Variants in RINL observed in about 807,000 individuals in gnomAD.
The protein encoded by RINL is ras and Rab interactor-like protein.
In RINL, 39 loss-of-function variants were observed where a neutral mutation model predicts 58.1. The ratio of observed to expected loss-of-function variants is 0.67; its 90% CI spans 0.52 to 0.88. The LOEUF (loss-of-function observed/expected upper bound fraction) is 0.88, where lower values mean the gene tolerates loss of function less well. Ranked by LOEUF, RINL falls within the 40% of genes least tolerant of loss-of-function variation. The pLI, the probability that RINL is intolerant of heterozygous loss-of-function variation, is 0.00. For synonymous variants in RINL, 286 were observed against 323.1 expected (o/e 0.89, Z 1.23); for missense variants, 711 against 749.2 (o/e 0.95, Z 0.60).
chr19:38,870,838 C>G lies in RINL; in HGVS notation c.756G>C (p.Glu252Asp), dbSNP rs760797174. The change falls in exon 8 of 12, where the codon GAG (glutamate) becomes GAC (aspartate). Residue 252 changes from glutamate to aspartate, a missense_variant. Physicochemically the swap from Glu to Asp is conservative, Grantham distance 45. Transcript: ENST00000591812. This position sits in a 1 kb window ranked among gnomAD's most constrained non-coding sequence, Gnocchi z 5.8. Reference protein sequence around the residue: ...KEEGREDDPEEEGPEDVLTIH... With the variant: ...KEEGREDDPEDEGPEDVLTIH... ...TGGTGAGCACGTCCTCAGGGCCTTC[C>G]TCTTCAGGGTCGTCCTCCCTTCCTT... 2.3e-5 allele frequency: 37 copies of G among 1,608,572 alleles called. No homozygotes were observed. The highest frequency in any genetic ancestry group is 3.0e-5 in the Non-Finnish European group (35 of 1,179,990).
At position 38,868,990 on chromosome 19, in the gene RINL, G is replaced by C. The variant is rs1320226988; in HGVS notation, c.*114C>G. 1 of 877,088 alleles carries C rather than the reference G, an allele frequency of 1.1e-6. No individual in the cohort carries two copies. The highest frequency in any genetic ancestry group is 1.7e-6 in the Non-Finnish European group (1 of 593,142). The allele number at this position is 877,088 out of a possible 1,614,324, so 54.3% of individuals were successfully genotyped here. On this transcript the variant is annotated 3_prime_UTR_variant, in exon 12 of 12. Coordinates refer to ENST00000591812, the MANE Select transcript of RINL (RefSeq NM_001195833.2). ...TGTTTTTTTTTTTTTTTGGTAGATGGGGGTCCCACTGTTTTGCCCAGGCTG... is the reference window on the plus strand; with the variant it reads ...TGTTTTTTTTTTTTTTTGGTAGATGCGGGTCCCACTGTTTTGCCCAGGCTG...
rs1488264934 is a variant in RINL, at chr19:38,869,972, T to G, written c.1313A>C (p.Tyr438Ser). ...GTTCTCGCCTCGAGCCAGGCCCGCA[T>G]AGACATCTCTGCACACCTCCAAGAG... ...ALLLEVCRDVYAGLARGENQD... is the reference protein window; with the variant it reads ...ALLLEVCRDVSAGLARGENQD... Residue 438 changes from tyrosine to serine, a missense_variant, in exon 9 of 12, where the codon TAT becomes TCT. Physicochemically the swap from Tyr to Ser is moderately radical, Grantham distance 144. Transcript: ENST00000591812. The surrounding 1 kb of genome is among the most constrained non-coding windows in gnomAD (Gnocchi z 5.7). 14 of 1,600,152 alleles carry G rather than the reference T, an allele frequency of 8.7e-6. No individual in the cohort carries two copies. The highest frequency in any genetic ancestry group is 9.4e-6 in the Non-Finnish European group (11 of 1,174,506).
rs114564788 is a variant in RINL at position 38,873,686 on chromosome 19, C to T, written c.313+200G>A. The stretch of plus-strand genomic sequence containing the variant: ...GATTACAGTCGCGCGTCACCAAGCC[C>T]GGCTAATTTTTGTATTTTTTGTAGA... On this transcript the variant is annotated intron_variant, in intron 4 of 11. Transcript: ENST00000591812. The T allele has an allele frequency of 2.0e-3, 934 of 460,524 alleles. 8 individuals are homozygous for T. Among genetic ancestry groups the T allele is most frequent in the African/African-American group, 0.016 (837 of 51,010 alleles). The allele number at this position is 460,524 out of a possible 1,614,324, so 28.5% of individuals were successfully genotyped here.
In RINL at chr19:38,870,171, C is replaced by T. The variant is rs946423928; in HGVS notation, c.1114G>A (p.Glu372Lys). The T allele has an allele frequency of 4.3e-6, 6 of 1,408,588 alleles. No homozygotes were observed. The African/African-American group carries it at 6.1e-5, about 14-fold the overall frequency. 87.3% of individuals were successfully genotyped at this position (1,408,588 alleles called of 1,614,324 possible). Residue 372 changes from glutamate (E) to lysine (K), a missense_variant, in exon 9 of 12, where the codon GAG (glutamate) becomes AAG (lysine). Glu to Lys is a moderately conservative substitution (Grantham distance 56). Transcript: ENST00000591812. This position sits in a 1 kb window ranked among gnomAD's most constrained non-coding sequence, Gnocchi z 5.8. ...WTRLRTLRAP[E>K]LRRLRRRQTA... is the part of the protein sequence containing the mutation. The stretch of plus-strand genomic sequence containing the variant: ...TGTCGCCGCCGCAGCCGCCGCAGCT[C>T]CGGTGCTCGGAGTGTGCGGAGTCGT...
chr19:38,876,569 G>A (rs1972930691), intron 2 of RINL, 79 bp from the exon 3 acceptor site: 1 of 1,472,388 alleles, frequency 6.8e-7, no homozygotes, highest in Non-Finnish European at 9.2e-7. Context: ...GGTACAGGAA[G>A]GGGCAGGCCC....
At position 38,869,487 on chromosome 19, in the gene RINL, C is replaced by T. The variant is rs757956774; in HGVS notation, c.1475-77G>A. The stretch of plus-strand genomic sequence containing the variant: ...CCAAATCCCCCTGCAGTTTGCCTGC[C>T]GTCCCTCCTGCTGCGGGGGGAGGCT... On this transcript the variant is annotated intron_variant, in intron 10 of 11. Transcript: ENST00000591812. The surrounding 1 kb of genome is among the most constrained non-coding windows in gnomAD (Gnocchi z 5.7). 137 of 1,585,458 alleles carry T rather than the reference C, an allele frequency of 8.6e-5. No homozygotes were observed. Among genetic ancestry groups the T allele is most frequent in the Non-Finnish European group, 1.1e-4 (132 of 1,163,502 alleles).
intron 3 of RINL, among the ~76,000 whole-genome samples, chr19:38,875,679 T>TA (rs35176853): frequency 0.031 from 4,645 of 147,526 alleles, 245 homozygotes; most frequent in African/African-American, 0.11. Context: ...CTCTCAAAAT[T>TA]AAAAAAAAAA....
chr19:38,867,905 A>T lies in RINL; in HGVS notation c.*1199T>A, dbSNP rs901491915. On this transcript the variant is annotated 3_prime_UTR_variant, in exon 12 of 12. Transcript: ENST00000591812. ...TATTTGGGATACATTGTGTTAAATC[A>T]AATATATTATTATTAACGTTAACTT... The T allele has an allele frequency of 1.6e-4, 24 of 152,136 alleles. No homozygotes were observed. Among genetic ancestry groups the T allele is most frequent in the Non-Finnish European group, 2.9e-4 (20 of 68,018 alleles). The allele number at this position is 152,136 out of a possible 1,614,324, so 9.4% of individuals were successfully genotyped here.
rs1277357001 is a variant in RINL, at chr19:38,870,925, A to G, written c.669T>C (p.His223=). Residue 223 remains histidine (H), a synonymous_variant, in exon 8 of 12, where the codon CAT becomes CAC. Coordinates refer to ENST00000591812, the MANE Select transcript of RINL (RefSeq NM_001195833.2). The surrounding 1 kb of genome is among the most constrained non-coding windows in gnomAD (Gnocchi z 5.8). ...VKGPLSPEVD[H]PGPALASLLE... ...GTAGGCTGGCGAGAGCCGGCCCAGG[A>G]TGGTCCACTTCCGGGCTGAGCGGGC... 1.2e-6 allele frequency: 2 copies of G among 1,605,342 alleles called. No homozygotes were observed. The highest frequency in any genetic ancestry group is 1.3e-5 in the African/African-American group (1 of 75,008).
rs770295375 is a variant in RINL at position 38,870,570 on chromosome 19, C to T, written c.1024G>A (p.Gly342Ser). 9 of 1,560,256 alleles carry T rather than the reference C, an allele frequency of 5.8e-6. No individual in the cohort carries two copies. The highest frequency in any genetic ancestry group is 6.9e-6 in the Non-Finnish European group (8 of 1,152,974). The change falls in exon 8 of 12, where the codon GGC becomes AGC. Residue 342 changes from glycine (G) to serine (S), a missense_variant and splice_region_variant. Coordinates refer to ENST00000591812, the MANE Select transcript of RINL (RefSeq NM_001195833.2). The surrounding 1 kb of genome is among the most constrained non-coding windows in gnomAD (Gnocchi z 5.8). The part of the protein sequence containing the change: ...PGLPKKDEDP[G>S]PALETAVCQA... ...GGCTCCCTTCCAGTCCTCCCATTAC[C>T]TGGATCCTCGTCCTTCTTGGGGAGC...
rs545865638 is a variant in RINL at position 38,868,869 on chromosome 19, C to T, written c.*235G>A. 1.6e-3 allele frequency: 717 copies of T among 459,218 alleles called. 1 individual carries two copies. Among genetic ancestry groups the T allele is most frequent in the Non-Finnish European group, 2.2e-3 (561 of 255,480 alleles). 28.4% of individuals were successfully genotyped at this position (459,218 alleles called of 1,614,324 possible). ...CCTTCAGGCCTTTCTGCAGATGTCA[C>T]CTCAGTGAGGCTTTCTCTGATACGC... On this transcript the variant is annotated 3_prime_UTR_variant, in exon 12 of 12. Coordinates refer to ENST00000591812, the MANE Select transcript of RINL (RefSeq NM_001195833.2).
chr19:38,872,628 A>G lies in RINL; in HGVS notation c.314-758T>C, dbSNP rs184902871. ...GGTGACTTACGCCTGTAATCCCATC[A>G]CTTTGGGAGGCTGAGGTGGGTGGAT... On this transcript the variant is annotated intron_variant, in intron 4 of 11. Coordinates refer to ENST00000591812, the MANE Select transcript of RINL (RefSeq NM_001195833.2). Among the ~76,000 whole-genome samples the G allele has an allele frequency of 9.7e-4, 148 of 152,070 alleles. 1 individual carries two copies. In the East Asian group the frequency reaches 0.026, roughly 27 times the overall value.
In RINL at chr19:38,870,712, C is replaced by A; in HGVS notation, c.882G>T (p.Gly294=). 6.2e-7 allele frequency: 1 copy of A among 1,613,610 alleles called. No homozygotes were observed. ...RIASDSGGPH[G]SGDPATELLQ... is the part of the protein sequence containing the mutation. The stretch of plus-strand genomic sequence containing the variant: ...GCAGCTCCGTGGCCGGGTCCCCAGA[C>A]CCGTGGGGACCCCCAGAATCTGAGG... The change falls in exon 8 of 12, where the codon GGG becomes GGT. Residue 294 remains glycine, a synonymous_variant. Coordinates refer to ENST00000591812, the MANE Select transcript of RINL (RefSeq NM_001195833.2). The surrounding 1 kb of genome is among the most constrained non-coding windows in gnomAD (Gnocchi z 5.8).
At chr19:38,871,414 CGGGA>C in intron 6 of RINL, 187 bp from the exon 7 acceptor site, 1 of 706,884 alleles carries the variant, frequency 1.4e-6, no homozygotes, top group Non-Finnish European at 2.3e-6. Context: ...CCCAGGCGTC[CGGGA>C]CCCCCAGTTC....
Position 38,870,805 on chromosome 19 carries a change from G to A in RINL, c.789C>T (p.Val263=). The stretch of plus-strand genomic sequence containing the variant: ...TGCTCCGGGCCCTGACCAGAGACTG[G>A]ACGTGAATGGTGAGCACGTCCTCAG... ...EGPEDVLTIH[V]QSLVRARSSY... Residue 263 remains valine (V), a synonymous_variant, in exon 8 of 12, where the codon GTC becomes GTT. Transcript: ENST00000591812. This position sits in a 1 kb window ranked among gnomAD's most constrained non-coding sequence, Gnocchi z 5.8. 6.2e-7 allele frequency: 1 copy of A among 1,611,826 alleles called. No homozygotes were observed. Among genetic ancestry groups the A allele is most frequent in the Non-Finnish European group, 8.5e-7 (1 of 1,180,014 alleles).
intron 3 of RINL, among the ~76,000 whole-genome samples, chr19:38,875,879 C>T (rs994480032): frequency 4.3e-4 from 66 of 152,140 alleles, no homozygotes; most frequent in African/African-American, 1.6e-3. Flanking sequence ...CAGCAGCTGC[C>T]TTTTTGGTTA....
intron 1 of RINL, among the ~76,000 whole-genome samples, chr19:38,877,609 A>G (rs1280531943): frequency 6.6e-6 from 1 of 152,200 alleles, no homozygotes; most frequent in Non-Finnish European, 1.5e-5. Flanking sequence ...AGATTCTACC[A>G]TGAACATTTT....
chr19:38,873,979 C>T lies in RINL; in HGVS notation c.220G>A (p.Val74Ile), dbSNP rs1282434713. 2.6e-6 allele frequency: 4 copies of T among 1,533,302 alleles called. No individual in the cohort carries two copies. In the South Asian group the frequency reaches 3.6e-5, roughly 14 times the overall value. The allele number at this position is 1,533,302 out of a possible 1,614,324, so 95.0% of individuals were successfully genotyped here. A position where few individuals can be genotyped will look rare whatever the true frequency, so the allele number is the denominator to read the frequency against. Residue 74 changes from valine to isoleucine, a missense_variant, in exon 4 of 12, where the codon GTC (valine) becomes ATC (isoleucine). By Grantham distance (29) the Val-to-Ile change is conservative. Transcript: ENST00000591812. ...GCCTGGCTGGGGTCACGTCCTGTGA[C>T]CAAGAAACTCTGGGGGATAGAGACA... ...VGLWPLGSFL[V>I]TGRDPSQALV... is the part of the protein sequence containing the mutation.
chr19:38,869,754 C>T lies in RINL; in HGVS notation c.1343-50G>A. ...TGAGATGGATCCCCATCTCAAGGCG[C>T]GTAGACACCTTCCATCCGATCCCCA... On this transcript the variant is annotated intron_variant, in intron 9 of 11. Coordinates refer to ENST00000591812, the MANE Select transcript of RINL (RefSeq NM_001195833.2). This position sits in a 1 kb window ranked among gnomAD's most constrained non-coding sequence, Gnocchi z 5.7. 1 of 1,609,752 alleles carries T rather than the reference C, an allele frequency of 6.2e-7. No homozygotes were observed. Among genetic ancestry groups the T allele is most frequent in the Non-Finnish European group, 8.5e-7 (1 of 1,177,982 alleles).
Sources: gnomAD v4.1 joint callset for allele counts (sites outside exome capture counted in the v4.1 genomes callset) on GRCh38, gnomAD v4.1.1 for gene constraint, Gnocchi (gnomAD v3.1) non-coding constraint, MANE v1.5 for transcripts, NCBI Gene and HGNC (gene_info 2026-07-23, HGNC 2026-07-21) for gene names.